ADGRB3: variants seen among roughly 807,000 people sequenced by gnomAD.
ADGRB3 encodes the protein brain-specific angiogenesis inhibitor 3.
ADGRB3 carries 37 observed loss-of-function variants against 193.4 expected under a neutral mutation model. The observed-to-expected ratio is 0.19, with a 90% CI of 0.15 to 0.25. The LOEUF (loss-of-function observed/expected upper bound fraction) is 0.25. ADGRB3 is among the 10% of genes least tolerant of loss of function. The pLI is 1.00. For synonymous variants in ADGRB3, 690 were observed against 644.2 expected, an observed-to-expected ratio of 1.07 and a Z score of -1.08; for missense variants, 1,637 against 1,852.9, an observed-to-expected ratio of 0.88 and a Z score of 2.14.
At chr6:68,753,825 T>C (rs928836720) in intron 3 of ADGRB3, among the ~76,000 whole-genome samples, 1 of 152,174 alleles carries the variant, frequency 6.6e-6, no homozygotes, top group African/African-American at 2.4e-5. Flanking sequence ...ATGACCAATT[T>C]GGTTTGAGGT....
chr6:69,002,009 A>G (rs9446083), intron 11 of ADGRB3, among the ~76,000 whole-genome samples: 60,537 of 151,970 alleles, frequency 0.4, 13,642 homozygotes, highest in Middle Eastern at 0.6. Flanking sequence ...GTCATTACTC[A>G]ACATTGGAAA....
intron 3 of ADGRB3, among the ~76,000 whole-genome samples, chr6:68,845,840 G>A (rs537596753): frequency 1.2e-4 from 18 of 152,286 alleles, no homozygotes; most frequent in African/African-American, 4.1e-4. Context: ...TACCAGTAGA[G>A]TGGGGTGCTG....
chr6:69,262,711 G>T (rs1766955856), intron 20 of ADGRB3, among the ~76,000 whole-genome samples: 7 of 151,670 alleles, frequency 4.6e-5, no homozygotes, highest in Admixed American at 4.6e-4. Flanking sequence ...CACATTCACA[G>T]GAATTTTATT....
chr6:68,868,911 A>ATGTGTGTGTGTGTGTGTGTGTG (rs375255522), intron 3 of ADGRB3, among the ~76,000 whole-genome samples: 99 of 139,848 alleles, frequency 7.1e-4, no homozygotes, highest in African/African-American at 2.5e-3. Context: ...CCAGATAATG[A>ATGTGTGTGTGTGTGTGTGTGTG]TGTGTGTGTG....
At position 68,848,606 on chromosome 6, in the gene ADGRB3, G is replaced by A. The variant is rs139247385; in HGVS notation, c.758-81953G>A. Reference sequence around the variant, plus strand: ...CAGACCAATCACATATTTTTACTATGTTTTACATAATTCTATTTAAATATG... The same window carrying A: ...CAGACCAATCACATATTTTTACTATATTTTACATAATTCTATTTAAATATG... On this transcript the variant is annotated intron_variant, in intron 3 of 31. Coordinates refer to ENST00000370598, the MANE Select transcript of ADGRB3 (RefSeq NM_001704.3). 2.6e-3 allele frequency among the ~76,000 whole-genome samples: 389 copies of A among 151,870 alleles called. 1 individual carries two copies. Among genetic ancestry groups the A allele is most frequent in the African/African-American group, 9.2e-3 (383 of 41,474 alleles).
At chr6:69,357,325 A>G (rs1003469261) in intron 28 of ADGRB3, among the ~76,000 whole-genome samples, 7 of 151,990 alleles carry the variant, frequency 4.6e-5, no homozygotes, top group Admixed American at 2.0e-4. Context: ...TCTTATTTGT[A>G]AAGGTTTTGT....
At chr6:68,978,632 A>C (rs1768819343) in intron 10 of ADGRB3, among the ~76,000 whole-genome samples, 1 of 151,440 alleles carries the variant, frequency 6.6e-6, no homozygotes, top group East Asian at 1.9e-4. Context: ...GCATAGGCTT[A>C]CTCATTCTGT....
At chr6:68,662,682 T>C (rs1768694257) in intron 3 of ADGRB3, among the ~76,000 whole-genome samples, 1 of 151,532 alleles carries the variant, frequency 6.6e-6, no homozygotes, top group Admixed American at 6.6e-5. Context: ...ATTCATCTGC[T>C]ATAGAAACTT....
At chr6:69,373,712 G>A (rs192824590) in intron 30 of ADGRB3, among the ~76,000 whole-genome samples, 8 of 152,020 alleles carry the variant, frequency 5.3e-5, no homozygotes, top group South Asian at 2.1e-4. Flanking sequence ...TCTTCAGGTA[G>A]CCAAAAATAG....
At chr6:69,031,571 C>CTTTCTTTCTTTCTTTCTTTCTCT (rs1337493560) in intron 13 of ADGRB3, among the ~76,000 whole-genome samples, 3 of 106,946 alleles carry the variant, frequency 2.8e-5, no homozygotes, top group Non-Finnish European at 3.9e-5. Context: ...TTCTTTTCTT[C>CTTTCTTTCTTTCTTTCTTTCTCT]CTCTGTCTCT....
chr6:69,137,004 A>G (rs1004099220), intron 17 of ADGRB3, among the ~76,000 whole-genome samples: 6 of 149,506 alleles, frequency 4.0e-5, no homozygotes, highest in Non-Finnish European at 8.9e-5. Flanking sequence ...AATAGAAAAT[A>G]TCTTTTTACT....
intron 3 of ADGRB3, among the ~76,000 whole-genome samples, chr6:68,889,232 A>T (rs572185532): frequency 4.6e-5 from 7 of 152,340 alleles, no homozygotes; most frequent in African/African-American, 1.4e-4. Context: ...GTCTCCAAAT[A>T]TTGAAATTCA....
intron 3 of ADGRB3, among the ~76,000 whole-genome samples, chr6:68,879,213 C>CTTTTTTTTTTT (rs529789046): frequency 8.7e-5 from 8 of 91,916 alleles, no homozygotes; most frequent in Non-Finnish European, 1.2e-4. Flanking sequence ...CTTTTTGTCG[C>CTTTTTTTTTTT]TTTTTTTTTT....
chr6:69,245,014 C>T (rs902680138), intron 20 of ADGRB3, among the ~76,000 whole-genome samples: 1 of 152,038 alleles, frequency 6.6e-6, no homozygotes, highest in Non-Finnish European at 1.5e-5. Flanking sequence ...TCTGTCTCCA[C>T]CCCAGTCTTT....
intron 15 of ADGRB3, among the ~76,000 whole-genome samples, chr6:69,057,626 G>C (rs1378757593): frequency 4.6e-4 from 70 of 152,028 alleles, no homozygotes; most frequent in African/African-American, 1.7e-3. Context: ...GGTTCATTAA[G>C]CGATTTTATC....
intron 4 of ADGRB3, among the ~76,000 whole-genome samples, chr6:68,933,245 G>A (rs745385993): frequency 2.6e-5 from 4 of 151,934 alleles, no homozygotes; most frequent in African/African-American, 4.8e-5. Flanking sequence ...TTTCATTACC[G>A]TGAGGAAAAT....
At chr6:69,103,790 A>T (rs1773134052) in intron 17 of ADGRB3, among the ~76,000 whole-genome samples, 1 of 150,006 alleles carries the variant, frequency 6.7e-6, no homozygotes, top group Non-Finnish European at 1.5e-5. Context: ...TAATATTATT[A>T]TATTTATTTT....
At chr6:68,901,277 C>T (rs1766387002) in intron 3 of ADGRB3, among the ~76,000 whole-genome samples, 1 of 152,134 alleles carries the variant, frequency 6.6e-6, no homozygotes, top group Non-Finnish European at 1.5e-5. Context: ...TCCAGGCACA[C>T]TCATGTTGTT....
chr6:68,816,500 G>A (rs1331624809), intron 3 of ADGRB3, among the ~76,000 whole-genome samples: 1 of 151,844 alleles, frequency 6.6e-6, no homozygotes, highest in East Asian at 1.9e-4. Flanking sequence ...TAGTTTGGTA[G>A]TTTGATTTAC....
Sources: gnomAD v4.1 joint callset for allele counts (sites outside exome capture counted in the v4.1 genomes callset) on GRCh38, gnomAD v4.1.1 for gene constraint, MANE v1.5 for transcripts, NCBI Gene and HGNC (gene_info 2026-07-23, HGNC 2026-07-21) for gene names.